Variants in VPS13C observed in about 807,000 individuals in gnomAD.
VPS13C encodes the protein intermembrane lipid transfer protein VPS13C.
VPS13C carries 358 observed loss-of-function variants against 456.8 expected under a neutral mutation model. That is an observed-to-expected ratio of 0.78 (90% CI 0.72 to 0.86). VPS13C has a LOEUF of 0.86. Among genes scored for constraint, VPS13C ranks in the 40% least tolerant of loss-of-function variants. VPS13C has a pLI of 0.00. For missense variants in VPS13C, 4,818 were observed against 4,385.4 expected (o/e 1.10, Z -2.79); for synonymous variants, 1,578 against 1,486.7 (o/e 1.06, Z -1.41).
chr15:61,857,702 C>T (rs1437005607), intron 82 of VPS13C, among the ~76,000 whole-genome samples: 1 of 152,062 alleles, frequency 6.6e-6, no homozygotes, highest in Non-Finnish European at 1.5e-5. Flanking sequence ...AATAGACAAT[C>T]AAGGTAGGAA....
At chr15:61,983,256 C>G (rs1039059850) in intron 20 of VPS13C, among the ~76,000 whole-genome samples, 1 of 152,066 alleles carries the variant, frequency 6.6e-6, no homozygotes, top group Non-Finnish European at 1.5e-5. Context: ...CAAGGTGGGG[C>G]GAACCTACAA....
At chr15:61,999,722 A>G (rs113504981) in intron 16 of VPS13C, among the ~76,000 whole-genome samples, 4 of 152,050 alleles carry the variant, frequency 2.6e-5, no homozygotes, top group Admixed American at 6.6e-5. Context: ...GACATGGAAC[A>G]CTGCGCACAA....
chr15:61,995,375 C>T (rs2140435428), intron 16 of VPS13C, among the ~76,000 whole-genome samples: 1 of 152,310 alleles, frequency 6.6e-6, no homozygotes, highest in African/African-American at 2.4e-5. Context: ...GTGCCCACCC[C>T]ATTCCACCCC....
At chr15:61,900,064 C>A (rs554868774) in intron 66 of VPS13C, among the ~76,000 whole-genome samples, 159 of 152,192 alleles carry the variant, frequency 1.0e-3, no homozygotes, top group African/African-American at 3.6e-3. Flanking sequence ...ATTCAACAAC[C>A]CTTCATGCTA....
At position 62,000,513 on chromosome 15, in the gene VPS13C, A is replaced by G. The variant is rs915430232; in HGVS notation, c.1353+51T>C. On this transcript the variant is annotated intron_variant, in intron 16 of 84. Transcript: ENST00000644861. ...TCAATTTCTTGATCCTAGGTTTAAA[A>G]GCGGGCATTAACATGTTTAAAACAT... The G allele has an allele frequency of 3.3e-6, 5 of 1,518,280 alleles. No individual in the cohort carries two copies. In the African/African-American group the frequency reaches 7.0e-5, roughly 21 times the overall value. The allele number at this position is 1,518,280 out of a possible 1,614,324, so 94.1% of individuals were successfully genotyped here.
chr15:62,036,148 T>C (rs2047993134), intron 3 of VPS13C, among the ~76,000 whole-genome samples: 1 of 152,072 alleles, frequency 6.6e-6, no homozygotes, highest in Non-Finnish European at 1.5e-5. Flanking sequence ...TTTAAACTTA[T>C]ATTTAAAATC....
At chr15:61,935,431 T>G (rs1567022014) in intron 48 of VPS13C, 1 of 152,190 alleles carries the variant, frequency 6.6e-6, no homozygotes, top group African/African-American at 2.4e-5. Flanking sequence ...GAGAAATAAT[T>G]TATATTCTAA....
At chr15:61,992,544 A>G (rs570111496) in intron 16 of VPS13C, among the ~76,000 whole-genome samples, 1 of 152,320 alleles carries the variant, frequency 6.6e-6, no homozygotes, top group East Asian at 1.9e-4. Context: ...GTGGAATAAT[A>G]CAAAAGAGAA....
At position 61,892,655 on chromosome 15, in the gene VPS13C, C is replaced by T. The variant is rs2042687503; in HGVS notation, c.9106-2255G>A. Among the ~76,000 whole-genome samples, 6 of 152,252 alleles carry T rather than the reference C, an allele frequency of 3.9e-5. No homozygotes were observed. In the South Asian group the frequency reaches 1.0e-3, roughly 26 times the overall value. ...CTCCCCAAACAGACAAAGCAAAGTG[C>T]CAGTGACAAACTCTGATAAGACAGC... On this transcript the variant is annotated intron_variant, in intron 66 of 84. Coordinates refer to ENST00000644861, the MANE Select transcript of VPS13C (RefSeq NM_020821.3).
intron 54 of VPS13C, 22 bp downstream of exon 54, chr15:61,922,375 G>A: frequency 1.3e-6 from 2 of 1,593,884 alleles, no homozygotes; most frequent in Non-Finnish European, 1.7e-6. Flanking sequence ...GTCTCTGAAG[G>A]TATTAAGTGA....
intron 51 of VPS13C, among the ~76,000 whole-genome samples, chr15:61,928,280 ATATT>A (rs1202715820): frequency 6.6e-5 from 10 of 152,176 alleles, no homozygotes; most frequent in Admixed American, 2.6e-4. Flanking sequence ...AGTATATATT[ATATT>A]GCAGGGGCAA....
chr15:61,903,778 C>T (rs1434205779), intron 66 of VPS13C, among the ~76,000 whole-genome samples: 1 of 152,034 alleles, frequency 6.6e-6, no homozygotes, highest in Non-Finnish European at 1.5e-5. Flanking sequence ...GTGGCAGTAG[C>T]ATAAAAACAG....
At position 61,946,381 on chromosome 15, in the gene VPS13C, TA is replaced by T; in HGVS notation, c.4905del (p.Lys1636SerfsTer13). On this transcript the variant is annotated frameshift_variant, in exon 44 of 85. Coordinates refer to ENST00000644861, the MANE Select transcript of VPS13C (RefSeq NM_020821.3). LOFTEE classifies it high-confidence loss of function. ...HGMDASISVK[P>X]KQTDVFARLK... ...AGTCTGGCAAACACATCAGTCTGCT[TA>T]GGCTTCACAGAAATAGAGGCATCCA... 6.2e-7 allele frequency: 1 copy of T among 1,607,528 alleles called. No individual in the cohort carries two copies.
intron 62 of VPS13C, among the ~76,000 whole-genome samples, chr15:61,912,716 T>G (rs1191774300): frequency 6.6e-6 from 1 of 151,668 alleles, no homozygotes; most frequent in Non-Finnish European, 1.5e-5. Context: ...TATGTATACA[T>G]GTACCATGCT....
At chr15:61,879,983 A>C (rs2140900987) in intron 73 of VPS13C, among the ~76,000 whole-genome samples, 1 of 152,232 alleles carries the variant, frequency 6.6e-6, no homozygotes, top group Non-Finnish European at 1.5e-5. Context: ...TATTTTAAAG[A>C]GTTACTTAAT....
intron 28 of VPS13C, 78 bp from the exon 29 acceptor site, chr15:61,967,525 A>C: frequency 8.7e-7 from 1 of 1,146,406 alleles, no homozygotes; most frequent in African/African-American, 1.6e-5. Context: ...AGATTTTTAA[A>C]AATTTGTTAA....
At chr15:62,001,704 T>C (rs1014048650) in intron 15 of VPS13C, among the ~76,000 whole-genome samples, 11 of 152,136 alleles carry the variant, frequency 7.2e-5, no homozygotes, top group African/African-American at 2.4e-4. Flanking sequence ...GAGTGTGATG[T>C]TCCCCTTCCT....
In VPS13C at chr15:61,881,630, G is replaced by A. The variant is rs777079684; in HGVS notation, c.9709C>T (p.Pro3237Ser). The change falls in exon 71 of 85, where the codon CCC (proline) becomes TCC (serine). Residue 3237 changes from proline to serine, a missense_variant and splice_region_variant. Physicochemically the swap from Pro to Ser is moderately conservative, Grantham distance 74. Coordinates refer to ENST00000644861, the MANE Select transcript of VPS13C (RefSeq NM_020821.3). ...ACACTCACATCAATGAAAGGCTTGG[G>A]CTCTAAGAGGAAGAAGTAACACATA... Reference protein sequence around the residue: ...PPKSIALDSEPKPFIDVSVIT... With the variant: ...PPKSIALDSESKPFIDVSVIT... 12 of 1,612,444 alleles carry A rather than the reference G, an allele frequency of 7.4e-6. No individual in the cohort carries two copies. The highest frequency in any genetic ancestry group is 9.3e-6 in the Non-Finnish European group (11 of 1,179,208).
At chr15:61,964,667 G>A (rs977702332) in intron 31 of VPS13C, 32 bp downstream of exon 31, 3 of 1,571,094 alleles carry the variant, frequency 1.9e-6, no homozygotes, top group African/African-American at 2.7e-5. Flanking sequence ...TAAAACCCTT[G>A]CTAACAAAAA....
Sources: gnomAD v4.1 joint callset for allele counts (sites outside exome capture counted in the v4.1 genomes callset) on GRCh38, gnomAD v4.1.1 for gene constraint, MANE v1.5 for transcripts, NCBI Gene and HGNC (gene_info 2026-07-23, HGNC 2026-07-21) for gene names.